CLVS1: variants seen among roughly 807,000 people sequenced by gnomAD.
CLVS1 encodes the protein clavesin 1, also known as clavesin-1.
CLVS1 carries 10 observed loss-of-function variants against 33.1 expected under a neutral mutation model. The observed-to-expected ratio is 0.30, with a 90% CI of 0.19 to 0.51. CLVS1 has a LOEUF of 0.51. CLVS1 is among the 20% of genes least tolerant of loss of function. The probability of loss-of-function intolerance (pLI) is 0.97; values close to 1 mark genes in which losing one functional copy is unlikely to be tolerated. For synonymous variants in CLVS1, 163 were observed against 166.1 expected (o/e 0.98, Z 0.14); for missense variants, 343 against 433.4 (o/e 0.79, Z 1.85).
intron 1 of CLVS1, among the ~76,000 whole-genome samples, chr8:61,297,442 G>A (rs928410088): frequency 3.3e-5 from 5 of 152,136 alleles, no homozygotes; most frequent in African/African-American, 9.7e-5. Flanking sequence ...CCTGATAGTG[G>A]GCGATAAGAG....
intron 2 of CLVS1, among the ~76,000 whole-genome samples, chr8:61,267,133 CT>C (rs1287108317): frequency 1.3e-5 from 2 of 152,172 alleles, no homozygotes; most frequent in Non-Finnish European, 2.9e-5. Context: ...AATGCATGTT[CT>C]GATCATCTGC....
rs367985577 is a variant in CLVS1 at position 61,169,051 on chromosome 8, TG to T, written c.-152+37192del. 6.3e-4 allele frequency among the ~76,000 whole-genome samples: 96 copies of T among 152,348 alleles called. No homozygotes were observed. In the East Asian group the frequency reaches 0.012, roughly 19 times the overall value. On this transcript the variant is annotated intron_variant, in intron 2 of 2. Transcript: ENST00000522621. Reference sequence around the variant, plus strand: ...ACTGTCTCCTTAAATGAGCTACAACTGTTCAATTGGATTGGCCAGGGTTGGG... The same window carrying T: ...ACTGTCTCCTTAAATGAGCTACAACTTTCAATTGGATTGGCCAGGGTTGGG...
intron 3 of CLVS1, among the ~76,000 whole-genome samples, chr8:61,381,876 T>C (rs1470780696): frequency 6.6e-6 from 1 of 152,184 alleles, no homozygotes; most frequent in Non-Finnish European, 1.5e-5. Context: ...GTCTTTGCTA[T>C]TGTGATAGGG....
chr8:61,041,985 GA>G, the CLVS1 span, among the ~76,000 whole-genome samples: 24 of 152,010 alleles, frequency 1.6e-4, no homozygotes, highest in African/African-American at 4.8e-4. Flanking sequence ...AATTATACGA[GA>G]AAAAAAATTT....
At chr8:61,295,488 GACATCTGTAAGGCAGAGTATTAGGCC>G (rs1371464860) in intron 1 of CLVS1, among the ~76,000 whole-genome samples, 1 of 152,152 alleles carries the variant, frequency 6.6e-6, no homozygotes, top group Non-Finnish European at 1.5e-5. Context: ...ATGGCAACTG[GACATCTGTAAGGCAGAGTATTAGGCC>G]ACCCAAGAAT....
rs1808489998 is a variant in CLVS1 at position 61,233,522 on chromosome 8, A to AAG, written c.-151-66154_-151-66153insGA. 5.9e-5 allele frequency among the ~76,000 whole-genome samples: 9 copies of AAG among 151,528 alleles called. No homozygotes were observed. In the South Asian group the frequency reaches 1.9e-3, roughly 32 times the overall value. ...CAGACTCTGTATCAAAAAAAAAAAA[A>AAG]AAGAAAGAAAAAGAAAAAGAAAAAA... On this transcript the variant is annotated intron_variant, in intron 2 of 2. Coordinates refer to the CLVS1 transcript ENST00000522621.
At chr8:61,039,524 T>G in the CLVS1 span, among the ~76,000 whole-genome samples, 1 of 152,168 alleles carries the variant, frequency 6.6e-6, no homozygotes, top group Non-Finnish European at 1.5e-5. Flanking sequence ...ACTTAATTTC[T>G]TTTTTTCTTT....
intron 2 of CLVS1, among the ~76,000 whole-genome samples, chr8:61,354,518 A>T (rs1435961866): frequency 6.6e-6 from 1 of 152,152 alleles, no homozygotes; most frequent in Non-Finnish European, 1.5e-5. Flanking sequence ...TTCACAAAAA[A>T]GCCTATACAC....
At position 61,457,555 on chromosome 8, in the gene CLVS1, C is replaced by T. The variant is rs574544508; in HGVS notation, c.742-752C>T. Reference sequence around the variant, plus strand: ...TTTATCACTATGTCCCCAATCCAGACAAAAATGGAAAATTGCAGCAAAAAT... The same window carrying T: ...TTTATCACTATGTCCCCAATCCAGATAAAAATGGAAAATTGCAGCAAAAAT... On this transcript the variant is annotated intron_variant, in intron 4 of 5. Coordinates refer to ENST00000325897, the MANE Select transcript of CLVS1 (RefSeq NM_173519.3). Among the ~76,000 whole-genome samples, 28 of 151,976 alleles carry T rather than the reference C, an allele frequency of 1.8e-4. No homozygotes were observed. The South Asian group carries it at 5.8e-3, about 32-fold the overall frequency.
intron 2 of CLVS1, among the ~76,000 whole-genome samples, chr8:61,281,822 C>T (rs939597345): frequency 1.1e-4 from 17 of 152,220 alleles, no homozygotes; most frequent in African/African-American, 4.1e-4. Context: ...TCATTTTGGA[C>T]ACTCCAGCCA....
At chr8:60,975,313 G>A in the CLVS1 span, among the ~76,000 whole-genome samples, 17 of 152,154 alleles carry the variant, frequency 1.1e-4, no homozygotes, top group Non-Finnish European at 2.5e-4. Flanking sequence ...AGACAAAATT[G>A]CATGTCTGGG....
At chr8:61,303,361 T>C (rs929198397) in intron 2 of CLVS1, among the ~76,000 whole-genome samples, 2 of 152,214 alleles carry the variant, frequency 1.3e-5, no homozygotes, top group Non-Finnish European at 2.9e-5. Flanking sequence ...ATTTCTCAAT[T>C]CTCTCTTGTG....
At chr8:61,021,900 C>G in the CLVS1 span, among the ~76,000 whole-genome samples, 3 of 152,106 alleles carry the variant, frequency 2.0e-5, no homozygotes, top group Admixed American at 6.5e-5. Context: ...GCCCCTACCC[C>G]CAGTAGTCCC....
At chr8:61,236,584 G>A (rs1433156509) in intron 2 of CLVS1, among the ~76,000 whole-genome samples, 2 of 152,166 alleles carry the variant, frequency 1.3e-5, no homozygotes, top group Non-Finnish European at 2.9e-5. Flanking sequence ...AGCAGCAGCA[G>A]CACTGTTCCT....
At chr8:61,077,890 AGCT>A (rs1161681414) in intron 1 of CLVS1, among the ~76,000 whole-genome samples, 1 of 152,136 alleles carries the variant, frequency 6.6e-6, no homozygotes, top group African/African-American at 2.4e-5. Context: ...GTGATGTGTG[AGCT>A]GCTGCGTTGC....
intron 1 of CLVS1, among the ~76,000 whole-genome samples, chr8:61,116,445 C>T (rs561939501): frequency 6.6e-6 from 1 of 152,264 alleles, no homozygotes; most frequent in Non-Finnish European, 1.5e-5. Context: ...AGTCCTTGCC[C>T]ATGCCTATGT....
intron 5 of CLVS1, chr8:61,464,737 C>A (rs1190241727): frequency 6.6e-6 from 1 of 152,266 alleles, no homozygotes; most frequent in Non-Finnish European, 1.5e-5. Context: ...CCCACCATGG[C>A]CACAAGGATG....
chr8:61,490,656 C>CAA (rs11455386), intron 5 of CLVS1, among the ~76,000 whole-genome samples: 3,329 of 112,974 alleles, frequency 0.029, 70 homozygotes, highest in Middle Eastern at 0.056. Flanking sequence ...AGATCCGTCT[C>CAA]AAAAAAAAAA....
chr8:61,113,796 CTAAT>C (rs1459203049), intron 1 of CLVS1, among the ~76,000 whole-genome samples: 1 of 152,100 alleles, frequency 6.6e-6, no homozygotes, highest in Admixed American at 6.5e-5. Flanking sequence ...CCATGCCCAG[CTAAT>C]TAATATTTTT....
Sources: gnomAD v4.1 joint callset for allele counts (sites outside exome capture counted in the v4.1 genomes callset) on GRCh38, gnomAD v4.1.1 for gene constraint, MANE v1.5 for transcripts, NCBI Gene and HGNC (gene_info 2026-07-23, HGNC 2026-07-21) for gene names.